AIFM1: variants seen among roughly 807,000 people sequenced by gnomAD.
The protein encoded by AIFM1 is apoptosis-inducing factor 1, mitochondrial.
AIFM1 carries 3 observed loss-of-function variants against 51.7 expected under a neutral mutation model. That is an observed-to-expected ratio of 0.06 (90% CI 0.03 to 0.15). The LOEUF (loss-of-function observed/expected upper bound fraction) is 0.15, where lower values mean the gene tolerates loss of function less well. Among genes scored for constraint, AIFM1 ranks in the 10% least tolerant of loss-of-function variants. The probability of loss-of-function intolerance (pLI) is 1.00; values close to 1 mark genes in which losing one functional copy is unlikely to be tolerated. For synonymous variants in AIFM1, 178 were observed against 179.4 expected (o/e 0.99, Z 0.06); for missense variants, 330 against 476.8 (o/e 0.69, Z 2.87).
chrX:130,149,046 C>T (rs191445322), intron 3 of AIFM1, among the ~76,000 whole-genome samples: 162 of 105,246 alleles, frequency 1.5e-3, no homozygotes, highest in African/African-American at 5.3e-3. Context: ...CTCAGCCTCC[C>T]GAGCACCAGG....
rs775094324 is a variant in AIFM1, at chrX:130,147,524, G to A, written c.574C>T (p.Arg192Ter). Residue 192 changes from arginine (R) to a stop codon, truncating the protein, a stop_gained, in exon 5 of 16, where the codon CGA becomes TGA. Coordinates refer to ENST00000287295, the MANE Select transcript of AIFM1 (RefSeq NM_004208.4). LOFTEE classifies it high-confidence loss of function. ...TCTTTTCCATTCCACTGTTTGAATCGCAGTGTCTTTGTGACATTTGGGTCA... is the reference window on the plus strand; with the variant it reads ...TCTTTTCCATTCCACTGTTTGAATCACAGTGTCTTTGTGACATTTGGGTCA... The part of the protein sequence containing the change: ...SDDPNVTKTL[R>*]FKQWNGKERS... 1 of 1,210,247 alleles carries A rather than the reference G, an allele frequency of 8.3e-7. No individual in the cohort carries two copies. Among genetic ancestry groups the A allele is most frequent in the South Asian group, 1.8e-5 (1 of 56,863 alleles).
At chrX:130,152,396 G>A (rs1325574274) in intron 2 of AIFM1, among the ~76,000 whole-genome samples, 1 of 111,442 alleles carries the variant, frequency 9.0e-6, no homozygotes, top group Non-Finnish European at 1.9e-5. Context: ...TCCCCCAAGG[G>A]TTTCTGTACT....
Position 130,129,485 on chromosome X carries a change from A to T in AIFM1, c.*72T>A. 1.1e-6 allele frequency: 1 copy of T among 909,529 alleles called. No homozygotes were observed. The highest frequency in any genetic ancestry group is 1.6e-6 in the Non-Finnish European group (1 of 619,520). 75.0% of individuals were successfully genotyped at this position (909,529 alleles called of 1,213,427 possible). On this transcript the variant is annotated 3_prime_UTR_variant, in exon 16 of 16. Transcript: ENST00000287295. Reference sequence around the variant, plus strand: ...ATACACAGAGAAAGTCTGCTGAATAAAAAAATGCTCCTTTACCCATTCGAC... The same window carrying T: ...ATACACAGAGAAAGTCTGCTGAATATAAAAATGCTCCTTTACCCATTCGAC...
At chrX:130,129,874 C>CG in intron 15 of AIFM1, 96 bp downstream of exon 15, 2 of 1,052,599 alleles carry the variant, frequency 1.9e-6, no homozygotes, top group Non-Finnish European at 2.7e-6. Context: ...TTGACCTGGC[C>CG]GGGGGACAAT....
rs1013738479 is a variant in AIFM1 at position 130,155,375 on chromosome X, G to A, written c.249+1086C>T. The A allele has an allele frequency of 2.7e-6, 3 of 1,098,780 alleles. No homozygotes were observed. The African/African-American group carries it at 5.5e-5, about 20-fold the overall frequency. 90.6% of individuals were successfully genotyped at this position (1,098,780 alleles called of 1,213,427 possible). On this transcript the variant is annotated intron_variant, in intron 2 of 15. Transcript: ENST00000287295. Reference sequence around the variant, plus strand: ...AAACATTCAATACAAAGGCAGAGAAGCAGTTTTGGTTACCCTGTGCTAAAA... The same window carrying A: ...AAACATTCAATACAAAGGCAGAGAAACAGTTTTGGTTACCCTGTGCTAAAA...
At chrX:130,139,979 G>T in intron 7 of AIFM1, 108 bp from the exon 8 acceptor site, 1 of 661,073 alleles carries the variant, frequency 1.5e-6, no homozygotes, top group Admixed American at 2.3e-5. Flanking sequence ...GCACCATGGC[G>T]GCAACAACAG....
chrX:130,164,562 A>G (rs1198951454), intron 1 of AIFM1, among the ~76,000 whole-genome samples: 2 of 112,023 alleles, frequency 1.8e-5, no homozygotes, highest in East Asian at 2.8e-4. Flanking sequence ...TTTCAAAGCA[A>G]CTCCTACAGG....
intron 2 of AIFM1, among the ~76,000 whole-genome samples, chrX:130,153,779 A>G (rs1449855714): frequency 1.8e-5 from 2 of 111,585 alleles, no homozygotes; most frequent in Non-Finnish European, 3.8e-5. Context: ...GAAAGCTAAG[A>G]AGAGAGCCCT....
chrX:130,131,514 A>G (rs2030078341), intron 14 of AIFM1, among the ~76,000 whole-genome samples, 161 bp downstream of exon 14: 2 of 111,995 alleles, frequency 1.8e-5, no homozygotes, highest in South Asian at 3.7e-4. Flanking sequence ...ATCTCAGACC[A>G]CTAAAGAGTG....
intron 9 of AIFM1, chrX:130,137,632 T>C: frequency 8.9e-7 from 1 of 1,123,946 alleles, no homozygotes; most frequent in South Asian, 2.2e-5. Flanking sequence ...TTTTGGCATT[T>C]TACAGGAAGC....
At chrX:130,133,222 G>C in intron 13 of AIFM1, 91 bp downstream of exon 13, 1 of 1,117,423 alleles carries the variant, frequency 8.9e-7, no homozygotes, top group Non-Finnish European at 1.2e-6. Context: ...AAGCTAACTG[G>C]CTCATAATAA....
chrX:130,149,078 C>T (rs1191501758), intron 3 of AIFM1, among the ~76,000 whole-genome samples: 3 of 107,626 alleles, frequency 2.8e-5, no homozygotes, highest in African/African-American at 1.0e-4. Context: ...TGCACCACCA[C>T]GCCTGGCTAA....
In AIFM1 at chrX:130,140,448, T is replaced by C. The variant is rs142430426; in HGVS notation, c.781+85A>G. 2.7e-3 allele frequency: 2,187 copies of C among 795,606 alleles called. 25 individuals are homozygous for C. In the African/African-American group the frequency reaches 0.039, roughly 14 times the overall value. 65.6% of individuals were successfully genotyped at this position (795,606 alleles called of 1,213,427 possible). A position where few individuals can be genotyped will look rare whatever the true frequency, so the allele number is the denominator to read the frequency against. The stretch of plus-strand genomic sequence containing the variant: ...GAGTCTGGGTTTCCATTTTCTTAAG[T>C]AGTAATGCCTTCCATAGAGAAGGCT... On this transcript the variant is annotated intron_variant, in intron 7 of 15. Coordinates refer to ENST00000287295, the MANE Select transcript of AIFM1 (RefSeq NM_004208.4).
At chrX:130,151,889 A>C (rs1323811506) in intron 2 of AIFM1, among the ~76,000 whole-genome samples, 1 of 110,470 alleles carries the variant, frequency 9.1e-6, no homozygotes, top group African/African-American at 3.3e-5. Context: ...AAATACAAAA[A>C]GTACCTGGGT....
chrX:130,165,518 G>A, intron 1 of AIFM1, 33 bp downstream of exon 1: 1 of 1,131,415 alleles, frequency 8.8e-7, no homozygotes, highest in East Asian at 3.2e-5. Flanking sequence ...CCAGGCCCTC[G>A]GACTTGGAGG....
At chrX:130,155,304 G>A in intron 2 of AIFM1, 1 of 1,205,730 alleles carries the variant, frequency 8.3e-7, no homozygotes, top group Non-Finnish European at 1.1e-6. Flanking sequence ...TAAAGATAAG[G>A]CCAAGAGAGA....
chrX:130,143,267 C>T (rs191021490), intron 6 of AIFM1, among the ~76,000 whole-genome samples: 1 of 111,934 alleles, frequency 8.9e-6, no homozygotes, highest in African/African-American at 3.2e-5. Context: ...GCGTGGCAGT[C>T]ATATGTCCAA....
intron 2 of AIFM1, among the ~76,000 whole-genome samples, chrX:130,151,299 C>A (rs1475564618): frequency 9.1e-6 from 1 of 110,132 alleles, no homozygotes; most frequent in Non-Finnish European, 1.9e-5. Flanking sequence ...CGCCACCATG[C>A]CCAGCTAATT....
In AIFM1 at chrX:130,137,095, A is replaced by G. The variant is rs1157071585; in HGVS notation, c.1058T>C (p.Met353Thr). ...CTCTCTACCTCGTCTGACTTTTTCC[A>G]TGGTCCAGTTGCTGAGGTATTCGGG... Reference protein sequence around the residue: ...ILPEYLSNWTMEKVRREGVKV... With the variant: ...ILPEYLSNWTTEKVRREGVKV... The change falls in exon 10 of 16, where the codon ATG (methionine) becomes ACG (threonine). Residue 353 changes from methionine (M) to threonine (T), a missense_variant. Physicochemically the swap from Met to Thr is moderately conservative, Grantham distance 81. Coordinates refer to ENST00000287295, the MANE Select transcript of AIFM1 (RefSeq NM_004208.4). The G allele has an allele frequency of 1.7e-6, 2 of 1,209,509 alleles. No individual in the cohort carries two copies. Among genetic ancestry groups the G allele is most frequent in the African/African-American group, 3.5e-5 (2 of 56,976 alleles).
Sources: gnomAD v4.1 joint callset for allele counts (sites outside exome capture counted in the v4.1 genomes callset) on GRCh38, gnomAD v4.1.1 for gene constraint, MANE v1.5 for transcripts, NCBI Gene and HGNC (gene_info 2026-07-23, HGNC 2026-07-21) for gene names.